Variants in ZNF316 observed in about 807,000 individuals in gnomAD.
ZNF316 encodes the protein zinc finger protein 316.
ZNF316 carries 23 observed loss-of-function variants against 75.6 expected under a neutral mutation model. The ratio of observed to expected loss-of-function variants is 0.30; its 90% CI spans 0.22 to 0.43. The LOEUF (loss-of-function observed/expected upper bound fraction) is 0.43. Among genes scored for constraint, ZNF316 ranks in the 20% least tolerant of loss-of-function variants. The pLI, the probability that ZNF316 is intolerant of heterozygous loss-of-function variation, is 1.00. For missense variants in ZNF316, 1,266 were observed against 1,409.4 expected (o/e 0.90, Z 1.63); for synonymous variants, 827 against 666.2 (o/e 1.24, Z -3.72).
At chr7:6,644,728 C>T (rs1038568631) in intron 8 of ZNF316, 135 bp downstream of exon 8, 32 of 428,106 alleles carry the variant, frequency 7.5e-5, no homozygotes, top group Admixed American at 8.9e-5. Flanking sequence ...CCGCCTGGCT[C>T]CTGGTGGTTC....
Position 6,639,564 on chromosome 7 carries a change from A to C in ZNF316, c.-167+423A>C, listed in dbSNP as rs1278173023. On this transcript the variant is annotated intron_variant, in intron 3 of 8. Coordinates refer to ENST00000382252, the MANE Select transcript of ZNF316 (RefSeq NM_001278559.2). The surrounding 1 kb of genome is among the most constrained non-coding windows in gnomAD (Gnocchi z 4.2). ...CACACACACGGCCTGAGATGAGATG[A>C]ACATGCAGCCACTTTATTCCAAAGC... Among the ~76,000 whole-genome samples the C allele has an allele frequency of 6.6e-6, 1 of 152,200 alleles. No homozygotes were observed. Among genetic ancestry groups the C allele is most frequent in the Non-Finnish European group, 1.5e-5 (1 of 68,028 alleles).
intron 3 of ZNF316, among the ~76,000 whole-genome samples, chr7:6,641,088 C>T (rs746537042): frequency 6.6e-5 from 10 of 152,210 alleles, no homozygotes; most frequent in African/African-American, 2.2e-4. Context: ...GAGCTAATCA[C>T]GGAGCAGCTT....
In ZNF316 at chr7:6,640,757, C is replaced by T. The variant is rs992859307; in HGVS notation, c.-166-1068C>T. On this transcript the variant is annotated intron_variant, in intron 3 of 8. Coordinates refer to ENST00000382252, the MANE Select transcript of ZNF316 (RefSeq NM_001278559.2). This position sits in a 1 kb window ranked among gnomAD's most constrained non-coding sequence, Gnocchi z 5.1. Reference sequence around the variant, plus strand: ...GTGGGAGGGGATTGGCCCATGGAGGCGGATCCCTCATGAATGGTCTAGCAC... The same window carrying T: ...GTGGGAGGGGATTGGCCCATGGAGGTGGATCCCTCATGAATGGTCTAGCAC... Among the ~76,000 whole-genome samples the T allele has an allele frequency of 6.6e-6, 1 of 152,114 alleles. No individual in the cohort carries two copies. Among genetic ancestry groups the T allele is most frequent in the African/African-American group, 2.4e-5 (1 of 41,442 alleles).
rs997581301 is a variant in ZNF316 at position 6,642,337 on chromosome 7, G to A, written c.-28-45G>A. On this transcript the variant is annotated intron_variant, in intron 4 of 8. Coordinates refer to ENST00000382252, the MANE Select transcript of ZNF316 (RefSeq NM_001278559.2). The surrounding 1 kb of genome is among the most constrained non-coding windows in gnomAD (Gnocchi z 8.1). Reference sequence around the variant, plus strand: ...GGGAGACCCTGTGAGGGGACCGTGTGGTGTGCTGAGAGCAGCCCGTCACTG... The same window carrying A: ...GGGAGACCCTGTGAGGGGACCGTGTAGTGTGCTGAGAGCAGCCCGTCACTG... 6.9e-6 allele frequency: 7 copies of A among 1,009,490 alleles called. No individual in the cohort carries two copies. Among genetic ancestry groups the A allele is most frequent in the Non-Finnish European group, 8.9e-6 (7 of 785,324 alleles). The allele number at this position is 1,009,490 out of a possible 1,614,324, so 62.5% of individuals were successfully genotyped here.
chr7:6,644,877 C>T (rs967840347), intron 8 of ZNF316, among the ~76,000 whole-genome samples: 16 of 152,202 alleles, frequency 1.1e-4, no homozygotes, highest in African/African-American at 3.1e-4. Context: ...GTCAGGTGGT[C>T]GGCTGAGCCA....
intron 8 of ZNF316, among the ~76,000 whole-genome samples, chr7:6,644,859 GGCCAGCTGTCAGGTGGTCGGCTGA>G (rs1446517651): frequency 6.6e-6 from 1 of 152,204 alleles, no homozygotes; most frequent in Non-Finnish European, 1.5e-5. Flanking sequence ...GCATGTGAGG[GGCCAGCTGTCAGGTGGTCGGCTGA>G]GCCAGGGCAG....
rs1779548947 is a variant in ZNF316, at chr7:6,653,294, C to G, written c.1698C>G (p.Pro566=). ...REEAAVAAPT[P]SGKVDPAPER... ...AGGCGGCGGTGGCGGCGCCCACCCC[C>G]AGCGGCAAGGTGGACCCCGCGCCGG... The change falls in exon 9 of 9, where the codon CCC becomes CCG. Residue 566 remains proline, a synonymous_variant. Transcript: ENST00000382252. The G allele has an allele frequency of 8.1e-7, 1 of 1,227,412 alleles. No homozygotes were observed. The highest frequency in any genetic ancestry group is 4.3e-5 in the Admixed American group (1 of 23,480). 76.0% of individuals were successfully genotyped at this position (1,227,412 alleles called of 1,614,324 possible). A position where few individuals can be genotyped will look rare whatever the true frequency, so the allele number is the denominator to read the frequency against.
In ZNF316 at chr7:6,654,022, G is replaced by A; in HGVS notation, c.2426G>A (p.Gly809Asp). Reference sequence around the variant, plus strand: ...CGGCCTTACGCGTGTGGAGAGTGCGGCCGGCGCTTCGGGCAGAGCGCGGCG... The same window carrying A: ...CGGCCTTACGCGTGTGGAGAGTGCGACCGGCGCTTCGGGCAGAGCGCGGCG... Reference protein sequence around the residue: ...GERPYACGECGRRFGQSAALT... With the variant: ...GERPYACGECDRRFGQSAALT... The change falls in exon 9 of 9, where the codon GGC (glycine) becomes GAC (aspartate). Residue 809 changes from glycine to aspartate, a missense_variant. Around this residue, in one of 3 missense-constraint regions of ZNF316, gnomAD observed 194 missense variants for 319.2 expected, o/e 0.61. Coordinates refer to ENST00000382252, the MANE Select transcript of ZNF316 (RefSeq NM_001278559.2). 4.2e-6 allele frequency: 5 copies of A among 1,192,422 alleles called. No individual in the cohort carries two copies. The highest frequency in any genetic ancestry group is 5.2e-6 in the Non-Finnish European group (5 of 962,958). The allele number at this position is 1,192,422 out of a possible 1,614,324, so 73.9% of individuals were successfully genotyped here. A position where few individuals can be genotyped will look rare whatever the true frequency, so the allele number is the denominator to read the frequency against.
chr7:6,650,230 AC>A (rs1779483545), intron 8 of ZNF316, among the ~76,000 whole-genome samples: 3 of 152,052 alleles, frequency 2.0e-5, no homozygotes, highest in Non-Finnish European at 2.9e-5. Context: ...GCCTTCCCAG[AC>A]CTGGGGAGTG....
At position 6,654,075 on chromosome 7, in the gene ZNF316, G is replaced by T; in HGVS notation, c.2479G>T (p.Glu827Ter). 8.2e-7 allele frequency: 1 copy of T among 1,213,344 alleles called. No individual in the cohort carries two copies. The highest frequency in any genetic ancestry group is 1.0e-6 in the Non-Finnish European group (1 of 975,810). The allele number at this position is 1,213,344 out of a possible 1,614,324, so 75.2% of individuals were successfully genotyped here. A position where few individuals can be genotyped will look rare whatever the true frequency, so the allele number is the denominator to read the frequency against. ...GACGCGGCATCAGTGGGCGCACGCC[G>T]AGGAGAAGCCGCACCGCTGCCCCGA... The part of the protein sequence containing the change: ...ALTRHQWAHA[E>*]EKPHRCPDCG... The change falls in exon 9 of 9, where the codon GAG becomes TAG. Residue 827 changes from glutamate (E) to a stop codon, truncating the protein, a stop_gained. Transcript: ENST00000382252. LOFTEE classifies it high-confidence loss of function.
intron 3 of ZNF316, among the ~76,000 whole-genome samples, chr7:6,641,473 A>C (rs766619632): frequency 5.9e-5 from 9 of 152,224 alleles, no homozygotes; most frequent in Non-Finnish European, 8.8e-5. Context: ...AGTGAAGGAC[A>C]CGCAGTGGGG....
intron 7 of ZNF316, 147 bp downstream of exon 7, chr7:6,644,095 C>A: frequency 1.1e-6 from 1 of 874,688 alleles, no homozygotes; most frequent in Non-Finnish European, 1.5e-6. Flanking sequence ...AGCCCTAGGA[C>A]CCCATGGCCC....
rs1583447010 is a variant in ZNF316, at chr7:6,652,899, G to A, written c.1303G>A (p.Gly435Ser). Reference protein sequence around the residue: ...GERPYRCAFCGAGFGRRSYLV... With the variant: ...GERPYRCAFCSAGFGRRSYLV... ...GCGGCCCTACCGCTGCGCCTTCTGCGGCGCGGGCTTCGGGCGCCGCTCCTA... is the reference window on the plus strand; with the variant it reads ...GCGGCCCTACCGCTGCGCCTTCTGCAGCGCGGGCTTCGGGCGCCGCTCCTA... The change falls in exon 9 of 9, where the codon GGC becomes AGC. Residue 435 changes from glycine (G) to serine (S), a missense_variant. Gly to Ser is a moderately conservative substitution (Grantham distance 56). This residue lies in a region of ZNF316 where 961 missense variants were observed against 990.9 expected (regional missense o/e 0.97). Coordinates refer to ENST00000382252, the MANE Select transcript of ZNF316 (RefSeq NM_001278559.2). The A allele has an allele frequency of 8.1e-7, 1 of 1,240,726 alleles. No homozygotes were observed. Among genetic ancestry groups the A allele is most frequent in the Non-Finnish European group, 1.0e-6 (1 of 991,562 alleles). The allele number at this position is 1,240,726 out of a possible 1,614,324, so 76.9% of individuals were successfully genotyped here. A position where few individuals can be genotyped will look rare whatever the true frequency, so the allele number is the denominator to read the frequency against.
Position 6,654,511 on chromosome 7 carries a change from G to T in ZNF316, c.2915G>T (p.Gly972Val). ...GPSSAGPGER[G>V]SALLEFAGGT... ...TCCAGTGCCGGCCCCGGTGAGCGCG[G>T]CAGCGCCCTGCTGGAGTTCGCGGGC... Residue 972 changes from glycine to valine, a missense_variant, in exon 9 of 9, where the codon GGC (glycine) becomes GTC (valine). By Grantham distance (109) the Gly-to-Val change is moderately radical. Transcript: ENST00000382252. 1.1e-5 allele frequency: 13 copies of T among 1,176,508 alleles called. No individual in the cohort carries two copies. Among genetic ancestry groups the T allele is most frequent in the Non-Finnish European group, 1.4e-5 (13 of 952,588 alleles). 72.9% of individuals were successfully genotyped at this position (1,176,508 alleles called of 1,614,324 possible). A position where few individuals can be genotyped will look rare whatever the true frequency, so the allele number is the denominator to read the frequency against.
At chr7:6,651,922 C>A (rs892858881) in intron 8 of ZNF316, among the ~76,000 whole-genome samples, 1 of 152,202 alleles carries the variant, frequency 6.6e-6, no homozygotes, top group Admixed American at 6.5e-5. Flanking sequence ...AGCACAGGAT[C>A]CCTGCTTGGG....
chr7:6,642,425 A>G lies in ZNF316; in HGVS notation c.16A>G (p.Thr6Ala), dbSNP rs929077100. 1.6e-6 allele frequency: 2 copies of G among 1,231,976 alleles called. No homozygotes were observed. Among genetic ancestry groups the G allele is most frequent in the African/African-American group, 1.6e-5 (1 of 64,404 alleles). 76.3% of individuals were successfully genotyped at this position (1,231,976 alleles called of 1,614,324 possible). ...CCCAGGGAGGATGGCGGCGCTCCAC[A>G]CGACTCCCGACTCCCCAGCTGCCCA... MAALHTTPDSPAAQLE... is the reference protein window; with the variant it reads MAALHATPDSPAAQLE... Residue 6 changes from threonine to alanine, a missense_variant, in exon 5 of 9, where the codon ACG becomes GCG. This residue lies in a region of ZNF316 where 961 missense variants were observed against 990.9 expected (regional missense o/e 0.97). Transcript: ENST00000382252. The surrounding 1 kb of genome is among the most constrained non-coding windows in gnomAD (Gnocchi z 8.1).
In ZNF316 at chr7:6,653,502, C is replaced by G; in HGVS notation, c.1906C>G (p.Leu636Val). Residue 636 changes from leucine (L) to valine (V), a missense_variant, in exon 9 of 9, where the codon CTG (leucine) becomes GTG (valine). Leu to Val is a conservative substitution (Grantham distance 32). Around this residue, in one of 3 missense-constraint regions of ZNF316, gnomAD observed 961 missense variants for 990.9 expected, o/e 0.97. Transcript: ENST00000382252. ...PVDGRPLPAPLGGPLSLVEGT... is the reference protein window; with the variant it reads ...PVDGRPLPAPVGGPLSLVEGT... The stretch of plus-strand genomic sequence containing the variant: ...CGACGGGCGCCCGCTCCCGGCGCCC[C>G]TGGGGGGCCCGCTCTCCCTGGTGGA... The G allele has an allele frequency of 1.6e-6, 2 of 1,220,848 alleles. No individual in the cohort carries two copies. The highest frequency in any genetic ancestry group is 4.1e-5 in the South Asian group (1 of 24,268). The allele number at this position is 1,220,848 out of a possible 1,614,324, so 75.6% of individuals were successfully genotyped here.
In ZNF316 at chr7:6,656,815, G is replaced by A. The variant is rs1378534945; in HGVS notation, c.*2204G>A. On this transcript the variant is annotated 3_prime_UTR_variant, in exon 9 of 9. Transcript: ENST00000382252. ...GCCCCAGCACCATGTGGCTCATCCA[G>A]GGCTCACCTACTCCAGTACCAGGGC... Among the ~76,000 whole-genome samples, 5 of 151,648 alleles carry A rather than the reference G, an allele frequency of 3.3e-5. No homozygotes were observed. The highest frequency in any genetic ancestry group is 1.5e-5 in the Non-Finnish European group (1 of 67,970).
chr7:6,648,967 C>T (rs1195965095), intron 8 of ZNF316, among the ~76,000 whole-genome samples: 2 of 152,152 alleles, frequency 1.3e-5, no homozygotes, highest in African/African-American at 4.8e-5. Context: ...GTGACAGCCC[C>T]AGCCCCAGCC....
Sources: allele counts gnomAD v4.1 joint callset (sites outside exome capture counted in the v4.1 genomes callset), GRCh38; gene constraint gnomAD v4.1.1; regional missense constraint gnomAD v4.1.1; non-coding constraint Gnocchi (gnomAD v3.1); transcripts MANE v1.5; gene names NCBI Gene and HGNC (gene_info 2026-07-23, HGNC 2026-07-21).